The following MYO3B variants were observed in gnomAD, a reference collection of about 807,000 sequenced individuals.
MYO3B encodes the protein myosin-IIIb.
Under a neutral mutation model 174.6 loss-of-function variants are expected in MYO3B, and 156 were observed. That is an observed-to-expected ratio of 0.89 (90% CI 0.78 to 1.02). The LOEUF (loss-of-function observed/expected upper bound fraction) is 1.02, where lower values mean the gene tolerates loss of function less well. Among genes scored for constraint, MYO3B ranks in the 50% least tolerant of loss-of-function variants. The pLI is 0.00. For synonymous variants in MYO3B, 563 were observed against 569.1 expected, an observed-to-expected ratio of 0.99 and a Z score of 0.15; for missense variants, 1,632 against 1,639.4, an observed-to-expected ratio of 1.00 and a Z score of 0.08.
intron 9 of MYO3B, among the ~76,000 whole-genome samples, chr2:170,371,463 CT>C (rs1352357194): frequency 2.0e-5 from 3 of 151,960 alleles, no homozygotes; most frequent in African/African-American, 7.2e-5. Flanking sequence ...GGTATCAACA[CT>C]TTAAACAGAC....
In MYO3B at chr2:170,217,343, C is replaced by T. The variant is rs2092841391; in HGVS notation, c.551C>T (p.Thr184Ile). The T allele has an allele frequency of 1.9e-6, 3 of 1,614,082 alleles. No individual in the cohort carries two copies. Among genetic ancestry groups the T allele is most frequent in the African/African-American group, 1.3e-5 (1 of 75,052 alleles). Reference protein sequence around the residue: ...DFGVSAQLTSTRLRRNTSVGT... With the variant: ...DFGVSAQLTSIRLRRNTSVGT... ...GGTGTTTCAGCTCAACTCACCAGTA[C>T]ACGTCTGCGGAGAAACACATCTGTT... Residue 184 changes from threonine (T) to isoleucine (I), a missense_variant, in exon 6 of 35, where the codon ACA becomes ATA. Physicochemically the swap from Thr to Ile is moderately conservative, Grantham distance 89. Coordinates refer to ENST00000408978, the MANE Select transcript of MYO3B (RefSeq NM_138995.5).
chr2:170,261,211 A>T (rs1040416187), intron 7 of MYO3B, among the ~76,000 whole-genome samples: 1 of 151,992 alleles, frequency 6.6e-6, no homozygotes, highest in Admixed American at 6.6e-5. Context: ...TTTAGTAGAG[A>T]CGGGGTTTCT....
chr2:170,544,467 G>C (rs1330710919), intron 32 of MYO3B, among the ~76,000 whole-genome samples: 1 of 152,170 alleles, frequency 6.6e-6, no homozygotes, highest in African/African-American at 2.4e-5. Flanking sequence ...TATAGTAAAA[G>C]TCAGTTTCAG....
In MYO3B at chr2:170,557,148, A is replaced by ATTT. The variant is rs71006102; in HGVS notation, c.3733+13167_3733+13169dup. On this transcript the variant is annotated intron_variant, in intron 32 of 34. Transcript: ENST00000408978. The stretch of plus-strand genomic sequence containing the variant: ...TGCAGGGTTTTTTATTTTTATTTTT[A>ATTT]TTTTTTTTTGAGACGGAGTCTCGCT... Among the ~76,000 whole-genome samples, 91 of 146,720 alleles carry ATTT rather than the reference A, an allele frequency of 6.2e-4. 2 individuals carry two copies. The highest frequency in any genetic ancestry group is 1.5e-3 in the Admixed American group (22 of 14,892).
chr2:170,374,391 G>C (rs1029077959), intron 9 of MYO3B, among the ~76,000 whole-genome samples: 5 of 152,140 alleles, frequency 3.3e-5, no homozygotes, highest in African/African-American at 1.2e-4. Flanking sequence ...GATGAGAAAA[G>C]GGATTGTAGA....
chr2:170,649,046 ATTATATAAAATAATATATAATGTATATT>A, intron 32 of MYO3B, among the ~76,000 whole-genome samples: 11 of 73,146 alleles, frequency 1.5e-4, no homozygotes, highest in Admixed American at 2.7e-4. Context: ...TATAATGTAT[ATTATATAAAATAATATATAATGTATATT>A]ATATATAAAA....
At chr2:170,624,813 A>G (rs138829747) in intron 32 of MYO3B, among the ~76,000 whole-genome samples, 3,461 of 152,264 alleles carry the variant, frequency 0.023, 160 homozygotes, top group East Asian at 0.13. Context: ...TTCTGCATCT[A>G]TTGAGATAAT....
At chr2:170,339,653 T>C (rs1458641759) in intron 8 of MYO3B, among the ~76,000 whole-genome samples, 1 of 152,212 alleles carries the variant, frequency 6.6e-6, no homozygotes, top group Non-Finnish European at 1.5e-5. Context: ...GTAAGAGAGA[T>C]TTTTTAAAAC....
intron 8 of MYO3B, among the ~76,000 whole-genome samples, chr2:170,365,426 A>C (rs1310078898): frequency 6.6e-6 from 1 of 152,152 alleles, no homozygotes; most frequent in African/African-American, 2.4e-5. Context: ...CTTGAGGAAA[A>C]GGGTCATAGC....
At chr2:170,307,206 G>A (rs1471168799) in intron 7 of MYO3B, among the ~76,000 whole-genome samples, 1 of 120,802 alleles carries the variant, frequency 8.3e-6, no homozygotes, top group Admixed American at 1.1e-4. Flanking sequence ...TCATGTCACT[G>A]TACTCCAGCC....
chr2:170,607,372 G>A (rs1262712773), intron 32 of MYO3B, among the ~76,000 whole-genome samples: 1 of 152,182 alleles, frequency 6.6e-6, no homozygotes, highest in African/African-American at 2.4e-5. Flanking sequence ...GGTCAGCTGC[G>A]GCTCTGCTCT....
intron 32 of MYO3B, among the ~76,000 whole-genome samples, chr2:170,629,988 T>C (rs181319273): frequency 1.8e-3 from 269 of 152,236 alleles, no homozygotes; most frequent in Non-Finnish European, 3.1e-3. Context: ...CCCAGCATGA[T>C]CAACACAGAA....
At chr2:170,400,561 C>G (rs986521451) in intron 17 of MYO3B, among the ~76,000 whole-genome samples, 1 of 151,936 alleles carries the variant, frequency 6.6e-6, no homozygotes, top group African/African-American at 2.4e-5. Flanking sequence ...CCTGCCACCA[C>G]GCCTGGCTAA....
intron 30 of MYO3B, among the ~76,000 whole-genome samples, chr2:170,525,501 G>C (rs1215140759): frequency 6.6e-6 from 1 of 152,186 alleles, no homozygotes; most frequent in Non-Finnish European, 1.5e-5. Context: ...TTGTGTAAAA[G>C]GAACTCATAT....
rs1387793146 is a variant in MYO3B, at chr2:170,654,061, T to C, written c.*940T>C. ...GAAACTTAACTAAGTTACACAAGCATATCTGACAGGAATGTTACCTTCAAT... is the reference window on the plus strand; with the variant it reads ...GAAACTTAACTAAGTTACACAAGCACATCTGACAGGAATGTTACCTTCAAT... On this transcript the variant is annotated 3_prime_UTR_variant, in exon 35 of 35. Transcript: ENST00000408978. The C allele has an allele frequency of 2.0e-5, 3 of 152,224 alleles. No individual in the cohort carries two copies. Among genetic ancestry groups the C allele is most frequent in the Non-Finnish European group, 4.4e-5 (3 of 68,036 alleles). 9.4% of individuals were successfully genotyped at this position (152,224 alleles called of 1,614,324 possible).
intron 32 of MYO3B, among the ~76,000 whole-genome samples, chr2:170,648,633 TATATATATTATATTCTATATA>T (rs373147719): frequency 0.13 from 7,770 of 60,168 alleles, 1,002 homozygotes; most frequent in African/African-American, 0.3. Context: ...AAAAAATATG[TATATATATTATATTCTATATA>T]ATATATATTA....
At chr2:170,375,433 G>C (rs555786601) in intron 9 of MYO3B, among the ~76,000 whole-genome samples, 1 of 151,886 alleles carries the variant, frequency 6.6e-6, no homozygotes, top group South Asian at 2.1e-4. Flanking sequence ...CTTGGTACTA[G>C]CTGAAACCAC....
intron 22 of MYO3B, among the ~76,000 whole-genome samples, chr2:170,414,055 T>A (rs2094562793): frequency 6.6e-6 from 1 of 151,964 alleles, no homozygotes. Flanking sequence ...AATAAATAAA[T>A]AAAATAACTA....
At chr2:170,513,575 T>G (rs920281062) in intron 28 of MYO3B, among the ~76,000 whole-genome samples, 1 of 152,224 alleles carries the variant, frequency 6.6e-6, no homozygotes, top group African/African-American at 2.4e-5. Context: ...AAACCCTGTT[T>G]CCAACTAAAG....
Sources: gnomAD v4.1 joint callset for allele counts (sites outside exome capture counted in the v4.1 genomes callset) on GRCh38, gnomAD v4.1.1 for gene constraint, MANE v1.5 for transcripts, NCBI Gene and HGNC (gene_info 2026-07-23, HGNC 2026-07-21) for gene names.